VGLL3: variants seen among roughly 807,000 people sequenced by gnomAD.
The protein encoded by VGLL3 is vestigial like family member 3.
Under a neutral mutation model 29.2 loss-of-function variants are expected in VGLL3, and 18 were observed. The observed-to-expected ratio is 0.62, with a 90% confidence interval of 0.43 to 0.91. The LOEUF is 0.91. Among genes scored for constraint, VGLL3 ranks in the 40% least tolerant of loss-of-function variants. The pLI, the probability that VGLL3 is intolerant of heterozygous loss-of-function variation, is 0.00. For missense variants in VGLL3, 440 were observed against 413.2 expected, an observed-to-expected ratio of 1.06 and a Z score of -0.56; for synonymous variants, 180 against 151.8, an observed-to-expected ratio of 1.19 and a Z score of -1.36.
Position 86,943,411 on chromosome 3 carries a change from T to C in VGLL3, c.*3613A>G, listed in dbSNP as rs1398857522. 6.6e-6 allele frequency: 1 copy of C among 152,144 alleles called. No homozygotes were observed. The highest frequency in any genetic ancestry group is 1.5e-5 in the Non-Finnish European group (1 of 68,028). 9.4% of individuals were successfully genotyped at this position (152,144 alleles called of 1,614,324 possible). On this transcript the variant is annotated 3_prime_UTR_variant, in exon 4 of 4. Coordinates refer to ENST00000398399, the MANE Select transcript of VGLL3 (RefSeq NM_016206.4). ...CTCAAAAGCTAGATAGGGTGACATATTCTGCAAATCTTAGAATAGGAATGG... is the reference window on the plus strand; with the variant it reads ...CTCAAAAGCTAGATAGGGTGACATACTCTGCAAATCTTAGAATAGGAATGG...
At position 86,978,736 on chromosome 3, in the gene VGLL3, C is replaced by T. The variant is rs1483148759; in HGVS notation, c.193G>A (p.Glu65Lys). Residue 65 changes from glutamate (E) to lysine (K), a missense_variant, in exon 2 of 4, where the codon GAG becomes AAG. Physicochemically the swap from Glu to Lys is moderately conservative, Grantham distance 56. Transcript: ENST00000398399. ...TCCTCCTCCTCCTCCTCATCCTCCT[C>T]CTCTTGTTTGCTGGGAAGGGTGACT... The part of the protein sequence containing the change: ...LEVTLPSKQE[E>K]EDEEEEEEEK... 1.2e-6 allele frequency: 2 copies of T among 1,613,980 alleles called. No homozygotes were observed. The highest frequency in any genetic ancestry group is 1.7e-5 in the Admixed American group (1 of 59,998).
chr3:86,962,030 T>C, intron 3 of VGLL3: 3 of 985,060 alleles, frequency 3.0e-6, no homozygotes, highest in Non-Finnish European at 3.6e-6. Context: ...GATCTTTTCT[T>C]TTTTCAATTA....
rs1463701995 is a variant in VGLL3 at position 86,947,072 on chromosome 3, AACAAAT to A, written c.938-11_938-6del. 1 of 780,572 alleles carries A rather than the reference AACAAAT, an allele frequency of 1.3e-6. No homozygotes were observed. Among genetic ancestry groups the A allele is most frequent in the African/African-American group, 1.7e-5 (1 of 59,260 alleles). 48.4% of individuals were successfully genotyped at this position (780,572 alleles called of 1,614,324 possible). Reference sequence around the variant, plus strand: ...TCTTGTCTTGATGCTGTAGACCTGGAACAAATGACAATGGGGAAAAAATAAAGAACA... The same window carrying A: ...TCTTGTCTTGATGCTGTAGACCTGGAGACAATGGGGAAAAAATAAAGAACA... On this transcript the variant is annotated splice_polypyrimidine_tract_variant and splice_region_variant and intron_variant, in intron 3 of 3. Transcript: ENST00000398399.
intron 1 of VGLL3, among the ~76,000 whole-genome samples, chr3:86,988,618 TCAAA>T (rs1441287417): frequency 2.3e-4 from 20 of 87,788 alleles, no homozygotes; most frequent in East Asian, 1.9e-3. Flanking sequence ...CCAGTTATGG[TCAAA>T]CAGTTTCTTT....
At chr3:86,984,323 T>C (rs1438117961) in intron 1 of VGLL3, among the ~76,000 whole-genome samples, 3 of 152,164 alleles carry the variant, frequency 2.0e-5, no homozygotes, top group Admixed American at 1.3e-4. Flanking sequence ...TTGTTAACAG[T>C]AGGGAGGAGC....
intron 1 of VGLL3, among the ~76,000 whole-genome samples, chr3:86,985,827 T>C (rs1260262211): frequency 2.0e-5 from 3 of 152,102 alleles, no homozygotes; most frequent in African/African-American, 4.8e-5. Flanking sequence ...TTACAAGATA[T>C]ATTAGTTTTC....
Position 86,945,189 on chromosome 3 carries a change from A to G in VGLL3, c.*1835T>C, listed in dbSNP as rs950003744. 1 of 152,198 alleles carries G rather than the reference A, an allele frequency of 6.6e-6. No homozygotes were observed. The highest frequency in any genetic ancestry group is 1.5e-5 in the Non-Finnish European group (1 of 68,032). The allele number at this position is 152,198 out of a possible 1,614,324, so 9.4% of individuals were successfully genotyped here. A position where few individuals can be genotyped will look rare whatever the true frequency, so the allele number is the denominator to read the frequency against. ...AAGAGAGTCTAGGTAAGAAACAGCA[A>G]AGTGCGGAGTGATGAGAGTACAAAA... On this transcript the variant is annotated 3_prime_UTR_variant, in exon 4 of 4. Transcript: ENST00000398399.
chr3:86,974,917 A>G (rs764445304), intron 2 of VGLL3, among the ~76,000 whole-genome samples: 6 of 152,230 alleles, frequency 3.9e-5, no homozygotes, highest in Admixed American at 1.3e-4. Context: ...ATAAAGGCTC[A>G]GGGTTTGTTT....
intron 3 of VGLL3, among the ~76,000 whole-genome samples, chr3:86,960,616 T>C (rs1345149468): frequency 6.6e-6 from 1 of 152,158 alleles, no homozygotes; most frequent in Non-Finnish European, 1.5e-5. Flanking sequence ...GACTAGTAGC[T>C]ATTGTAGTTT....
Position 86,959,042 on chromosome 3 carries a change from T to C in VGLL3, c.937+9548A>G, listed in dbSNP as rs576080061. ...ACAAAGTCCAGAAAAAGTATTTCCATTATTCATAAACATTCTGCCTGGTAT... is the reference window on the plus strand; with the variant it reads ...ACAAAGTCCAGAAAAAGTATTTCCACTATTCATAAACATTCTGCCTGGTAT... On this transcript the variant is annotated intron_variant, in intron 3 of 3. Coordinates refer to ENST00000398399, the MANE Select transcript of VGLL3 (RefSeq NM_016206.4). 2.6e-5 allele frequency among the ~76,000 whole-genome samples: 4 copies of C among 152,322 alleles called. No homozygotes were observed. In the East Asian group the frequency reaches 7.7e-4, roughly 29 times the overall value.
chr3:86,949,597 C>T (rs542001652), intron 3 of VGLL3, among the ~76,000 whole-genome samples: 7 of 151,846 alleles, frequency 4.6e-5, no homozygotes, highest in Admixed American at 1.3e-4. Context: ...GAAGCCGAGG[C>T]GGGCGGATCA....
intron 3 of VGLL3, among the ~76,000 whole-genome samples, chr3:86,961,296 A>T (rs935444709): frequency 6.6e-6 from 1 of 152,154 alleles, no homozygotes; most frequent in African/African-American, 2.4e-5. Context: ...ATGAAAGTCA[A>T]GTTTAAATTT....
rs1021520794 is a variant in VGLL3, at chr3:86,944,789, TG to T, written c.*2234del. ...TAACTACTTTCCTTTTCCTCTTCAT[TG>T]GGAAAATCCAACTGAATGATCTGAA... On this transcript the variant is annotated 3_prime_UTR_variant, in exon 4 of 4. Coordinates refer to ENST00000398399, the MANE Select transcript of VGLL3 (RefSeq NM_016206.4). 3.3e-5 allele frequency: 5 copies of T among 152,194 alleles called. No homozygotes were observed. The highest frequency in any genetic ancestry group is 1.2e-4 in the African/African-American group (5 of 41,454). 9.4% of individuals were successfully genotyped at this position (152,194 alleles called of 1,614,324 possible).
intron 1 of VGLL3, among the ~76,000 whole-genome samples, chr3:86,988,639 CCAAAAAAAAAAAAAA>C (rs1705503318): frequency 7.8e-5 from 1 of 12,786 alleles, no homozygotes; most frequent in Non-Finnish European, 2.5e-4. Flanking sequence ...CTTTACTTGA[CCAAAAAAAAAAAAAA>C]AAAAAAAAAA....
At chr3:86,990,586 G>T (rs780194393) in intron 1 of VGLL3, 32 bp downstream of exon 1, 1 of 1,318,612 alleles carries the variant, frequency 7.6e-7, no homozygotes, top group South Asian at 3.0e-5. Context: ...CTTCGCCCCC[G>T]CCCCCAGCAG....
At chr3:86,949,071 T>C (rs1704562742) in intron 3 of VGLL3, among the ~76,000 whole-genome samples, 1 of 152,228 alleles carries the variant, frequency 6.6e-6, no homozygotes, top group African/African-American at 2.4e-5. Context: ...ATGTCAGCAC[T>C]GCAAGTCATG....
intron 3 of VGLL3, among the ~76,000 whole-genome samples, chr3:86,961,603 T>A (rs534510398): frequency 5.9e-5 from 9 of 152,264 alleles, no homozygotes; most frequent in African/African-American, 2.2e-4. Context: ...TTTCCACATT[T>A]AACTCTCTCC....
chr3:86,968,503 T>C (rs1575870302), intron 3 of VGLL3, 87 bp downstream of exon 3: 2 of 1,431,152 alleles, frequency 1.4e-6, no homozygotes, highest in East Asian at 2.3e-5. Flanking sequence ...ACTTTACAGA[T>C]AAGAAAAAAT....
chr3:86,956,087 G>A (rs1704716260), intron 3 of VGLL3, among the ~76,000 whole-genome samples: 1 of 152,166 alleles, frequency 6.6e-6, no homozygotes, highest in African/African-American at 2.4e-5. Context: ...AATTCCTCAG[G>A]CCATATAGAA....
Sources: gnomAD v4.1 joint callset for allele counts (sites outside exome capture counted in the v4.1 genomes callset) on GRCh38, gnomAD v4.1.1 for gene constraint, MANE v1.5 for transcripts, NCBI Gene and HGNC (gene_info 2026-07-23, HGNC 2026-07-21) for gene names.